The following CAMK2A variants were observed in gnomAD, a reference collection of about 807,000 sequenced individuals.
The protein encoded by CAMK2A is calcium/calmodulin-dependent protein kinase type II subunit alpha.
In CAMK2A, 7 loss-of-function variants were observed where a neutral mutation model predicts 79.2. The ratio of observed to expected loss-of-function variants is 0.09; its 90% CI spans 0.05 to 0.17. The LOEUF is 0.17. Among genes scored for constraint, CAMK2A ranks in the 10% least tolerant of loss-of-function variants. The pLI, the probability that CAMK2A is intolerant of heterozygous loss-of-function variation, is 1.00. For synonymous variants in CAMK2A, 242 were observed against 251.7 expected (o/e 0.96, Z 0.36); for missense variants, 214 against 646.4 (o/e 0.33, Z 7.25).
chr5:150,251,592 C>T (rs527729874), intron 9 of CAMK2A, among the ~76,000 whole-genome samples, 158 bp downstream of exon 9: 14 of 152,310 alleles, frequency 9.2e-5, no homozygotes, highest in African/African-American at 3.1e-4. Context: ...GATAAATCTC[C>T]AATCATTAGG....
intron 3 of CAMK2A, among the ~76,000 whole-genome samples, chr5:150,257,892 G>A (rs1409274722): frequency 1.3e-5 from 2 of 152,224 alleles, no homozygotes; most frequent in Admixed American, 6.5e-5. Flanking sequence ...CCGAAACCCT[G>A]TTTGGTTGCT....
rs765846134 is a variant in CAMK2A at position 150,264,909 on chromosome 5, G to A, written c.217+47C>T. The A allele has an allele frequency of 1.3e-5, 19 of 1,504,594 alleles. No homozygotes were observed. The South Asian group carries it at 2.1e-4, about 17-fold the overall frequency. The allele number at this position is 1,504,594 out of a possible 1,614,324, so 93.2% of individuals were successfully genotyped here. On this transcript the variant is annotated intron_variant, in intron 3 of 18. Coordinates refer to ENST00000671881, the MANE Select transcript of CAMK2A (RefSeq NM_015981.4). ...CACCCACGTGCCAGGGTGGGCAGGGGAGCAGGGCCTGGCTCCCCTGCGCCC... is the reference window on the plus strand; with the variant it reads ...CACCCACGTGCCAGGGTGGGCAGGGAAGCAGGGCCTGGCTCCCCTGCGCCC...
At chr5:150,250,563 G>A (rs777891937) in intron 10 of CAMK2A, 125 bp downstream of exon 10, 2 of 1,330,832 alleles carry the variant, frequency 1.5e-6, no homozygotes, top group South Asian at 1.4e-5. Flanking sequence ...AACCACAGCA[G>A]GGGCAGTCTC....
At chr5:150,271,614 G>T (rs567155947) in intron 2 of CAMK2A, among the ~76,000 whole-genome samples, 1 of 152,170 alleles carries the variant, frequency 6.6e-6, no homozygotes, top group Non-Finnish European at 1.5e-5. Flanking sequence ...ACCATGGATT[G>T]TACAGCCCAT....
intron 7 of CAMK2A, among the ~76,000 whole-genome samples, chr5:150,252,726 T>C (rs1277663369): frequency 6.6e-6 from 1 of 152,214 alleles, no homozygotes; most frequent in Non-Finnish European, 1.5e-5. Flanking sequence ...ATGCTAAGCA[T>C]TGGGCTGAGC....
chr5:150,265,194 G>T, intron 2 of CAMK2A, 179 bp from the exon 3 acceptor site: 1 of 607,648 alleles, frequency 1.6e-6, no homozygotes. Context: ...GCAGTGGAAA[G>T]AGGAAGAGGC....
At chr5:150,239,359 T>C (rs564529097) in intron 14 of CAMK2A, among the ~76,000 whole-genome samples, 11 of 152,194 alleles carry the variant, frequency 7.2e-5, no homozygotes, top group Middle Eastern at 6.8e-3. Context: ...CTCGCCGCGA[T>C]TGGCACAAAC....
intron 2 of CAMK2A, chr5:150,265,493 G>A (rs995327693): frequency 4.4e-5 from 7 of 159,830 alleles, no homozygotes; most frequent in African/African-American, 7.2e-5. Flanking sequence ...GGCCCCTGGC[G>A]GCAGGCAGGG....
chr5:150,237,922 T>C (rs1755154854), intron 15 of CAMK2A, among the ~76,000 whole-genome samples: 1 of 151,912 alleles, frequency 6.6e-6, no homozygotes, highest in Non-Finnish European at 1.5e-5. Flanking sequence ...CTAGCTCCAG[T>C]GGCGCCGGCA....
chr5:150,283,068 T>C (rs149953584), intron 1 of CAMK2A, among the ~76,000 whole-genome samples: 1 of 152,360 alleles, frequency 6.6e-6, no homozygotes, highest in African/African-American at 2.4e-5. Context: ...AGGGATCTCT[T>C]CTGTCTGCTA....
At chr5:150,231,646 A>G (rs1754850576) in intron 15 of CAMK2A, among the ~76,000 whole-genome samples, 1 of 150,062 alleles carries the variant, frequency 6.7e-6, no homozygotes, top group Non-Finnish European at 1.5e-5. Flanking sequence ...AAAGTTCCTC[A>G]ACTACAAAGG....
chr5:150,226,648 A>T (rs527277827), intron 17 of CAMK2A, among the ~76,000 whole-genome samples: 10 of 138,858 alleles, frequency 7.2e-5, no homozygotes, highest in African/African-American at 2.6e-4. Flanking sequence ...GAGGCAGGAG[A>T]ATTGCTTGAA....
At chr5:150,240,644 A>G (rs923560340) in intron 13 of CAMK2A, among the ~76,000 whole-genome samples, 1 of 152,222 alleles carries the variant, frequency 6.6e-6, no homozygotes, top group Non-Finnish European at 1.5e-5. Flanking sequence ...TTCACAGAAG[A>G]TGGTAGGTGA....
chr5:150,231,429 AAT>A, intron 15 of CAMK2A, 49 bp from the exon 16 acceptor site: 1 of 696,446 alleles, frequency 1.4e-6, no homozygotes, highest in Non-Finnish European at 2.1e-6. Context: ...TAATAATAAT[AAT>A]AATAATAATA....
At chr5:150,225,030 CTGGT>C (rs1754523025) in intron 17 of CAMK2A, among the ~76,000 whole-genome samples, 1 of 127,568 alleles carries the variant, frequency 7.8e-6, no homozygotes, top group African/African-American at 3.4e-5. Flanking sequence ...GTCTCATAAC[CTGGT>C]AGGTAGGGAG....
At chr5:150,282,339 G>T (rs929672612) in intron 1 of CAMK2A, among the ~76,000 whole-genome samples, 1 of 152,210 alleles carries the variant, frequency 6.6e-6, no homozygotes, top group African/African-American at 2.4e-5. Flanking sequence ...CCTTGTTTTG[G>T]CTGTGCAAGG....
chr5:150,225,488 C>G (rs775395164), intron 17 of CAMK2A, among the ~76,000 whole-genome samples: 22 of 152,116 alleles, frequency 1.4e-4, no homozygotes, highest in Non-Finnish European at 2.9e-4. Flanking sequence ...AGATGGGGCC[C>G]GCTGCATAGA....
At chr5:150,282,318 T>C (rs1347758184) in intron 1 of CAMK2A, among the ~76,000 whole-genome samples, 1 of 152,192 alleles carries the variant, frequency 6.6e-6, no homozygotes, top group Non-Finnish European at 1.5e-5. Flanking sequence ...CAACAGAAGT[T>C]CCAACATATT....
At chr5:150,279,752 G>A (rs78373299) in intron 1 of CAMK2A, among the ~76,000 whole-genome samples, 3,857 of 152,290 alleles carry the variant, frequency 0.025, 168 homozygotes, top group African/African-American at 0.088. Flanking sequence ...GCCCCCCTCC[G>A]GCACTTCGGC....
Sources: gnomAD v4.1 joint callset for allele counts (sites outside exome capture counted in the v4.1 genomes callset) on GRCh38, gnomAD v4.1.1 for gene constraint, MANE v1.5 for transcripts, NCBI Gene and HGNC (gene_info 2026-07-23, HGNC 2026-07-21) for gene names.